Variants in PCSK5 observed in about 807,000 individuals in gnomAD.
PCSK5 encodes prohormone convertase 5.
PCSK5 carries 129 observed loss-of-function variants against 233.2 expected under a neutral mutation model. That is an observed-to-expected ratio of 0.55 (90% CI 0.48 to 0.64). The LOEUF (loss-of-function observed/expected upper bound fraction) is 0.64. PCSK5 is among the 30% of genes least tolerant of loss of function. The pLI, the probability that PCSK5 is intolerant of heterozygous loss-of-function variation, is 0.00. For missense variants in PCSK5, 2,076 were observed against 2,430.1 expected (o/e 0.85, Z 3.06); for synonymous variants, 825 against 879.2 (o/e 0.94, Z 1.09).
At chr9:76,249,613 C>T (rs1826736895) in intron 24 of PCSK5, among the ~76,000 whole-genome samples, 1 of 152,138 alleles carries the variant, frequency 6.6e-6, no homozygotes, top group South Asian at 2.1e-4. Context: ...AATACCAAGG[C>T]TCCTTAGAGA....
Position 76,003,574 on chromosome 9 carries a change from A to C in PCSK5, c.411+17329A>C, listed in dbSNP as rs572125034. Among the ~76,000 whole-genome samples the C allele has an allele frequency of 4.5e-4, 68 of 152,310 alleles. 1 individual carries two copies. In the South Asian group the frequency reaches 0.013, roughly 29 times the overall value. ...ATGGAATGTTTTCTCTGAACTCTGAAATTAAGTTCCAGACATTGTGAAAAT... is the reference window on the plus strand; with the variant it reads ...ATGGAATGTTTTCTCTGAACTCTGACATTAAGTTCCAGACATTGTGAAAAT... On this transcript the variant is annotated intron_variant, in intron 3 of 37. Coordinates refer to ENST00000674117, the MANE Select transcript of PCSK5 (RefSeq NM_001372043.1).
At position 76,231,282 on chromosome 9, in the gene PCSK5, G is replaced by A. The variant is rs1008479611; in HGVS notation, c.2730-2178G>A. On this transcript the variant is annotated intron_variant, in intron 21 of 37. Coordinates refer to ENST00000674117, the MANE Select transcript of PCSK5 (RefSeq NM_001372043.1). ...TCACTCACTATCACGAGAACAGCATGAGGATAACCGCCCCCATGATTCAGT... is the reference window on the plus strand; with the variant it reads ...TCACTCACTATCACGAGAACAGCATAAGGATAACCGCCCCCATGATTCAGT... Among the ~76,000 whole-genome samples the A allele has an allele frequency of 2.6e-5, 4 of 152,128 alleles. No individual in the cohort carries two copies. In the East Asian group the frequency reaches 7.7e-4, roughly 29 times the overall value.
intron 35 of PCSK5, among the ~76,000 whole-genome samples, chr9:76,344,561 G>C (rs1829926045): frequency 6.6e-6 from 1 of 152,132 alleles, no homozygotes; most frequent in Non-Finnish European, 1.5e-5. Flanking sequence ...TAACAGATGA[G>C]AAAATACACT....
chr9:76,341,207 AGAGT>A (rs1239654615), intron 35 of PCSK5, among the ~76,000 whole-genome samples: 1 of 151,020 alleles, frequency 6.6e-6, no homozygotes, highest in Non-Finnish European at 1.5e-5. Flanking sequence ...CCTGGGTGAC[AGAGT>A]GAGACCATGC....
intron 5 of PCSK5, among the ~76,000 whole-genome samples, chr9:76,029,581 T>A (rs1828571316): frequency 6.6e-6 from 1 of 152,194 alleles, no homozygotes; most frequent in Non-Finnish European, 1.5e-5. Context: ...GTAGGCTTTT[T>A]AAATTGGCTT....
intron 24 of PCSK5, among the ~76,000 whole-genome samples, chr9:76,255,673 T>A (rs547079502): frequency 1.4e-5 from 2 of 145,084 alleles, no homozygotes; most frequent in South Asian, 4.3e-4. Flanking sequence ...TACAAATAAA[T>A]TTTTTTTTTA....
intron 2 of PCSK5, among the ~76,000 whole-genome samples, chr9:75,964,519 C>A (rs909155344): frequency 3.3e-5 from 5 of 152,212 alleles, no homozygotes; most frequent in African/African-American, 1.2e-4. Context: ...AACATGCCAA[C>A]AACGCAGTGA....
chr9:76,219,388 G>A (rs980587156), intron 20 of PCSK5, among the ~76,000 whole-genome samples: 3 of 152,130 alleles, frequency 2.0e-5, no homozygotes, highest in Admixed American at 1.3e-4. Flanking sequence ...AAGCCATGAG[G>A]GAGGTTCATT....
intron 10 of PCSK5, among the ~76,000 whole-genome samples, chr9:76,153,867 T>G (rs1823772721): frequency 6.6e-6 from 1 of 152,206 alleles, no homozygotes; most frequent in Non-Finnish European, 1.5e-5. Context: ...TCACAGCCCC[T>G]GGAGAGAATC....
intron 24 of PCSK5, among the ~76,000 whole-genome samples, chr9:76,280,063 C>T (rs950803466): frequency 6.6e-6 from 1 of 152,130 alleles, no homozygotes; most frequent in African/African-American, 2.4e-5. Flanking sequence ...CTCTACCACT[C>T]CTCCAATAGC....
chr9:76,207,823 G>A (rs1484952035), intron 20 of PCSK5, among the ~76,000 whole-genome samples: 2 of 152,166 alleles, frequency 1.3e-5, no homozygotes, highest in East Asian at 3.9e-4. Context: ...CCCTGATGGA[G>A]CCTTGGGGCT....
chr9:76,105,629 A>G (rs1018636473), intron 8 of PCSK5, among the ~76,000 whole-genome samples: 2 of 152,232 alleles, frequency 1.3e-5, no homozygotes, highest in African/African-American at 4.8e-5. Flanking sequence ...TTACCCAAAC[A>G]TCCTGCAAGC....
chr9:76,090,781 C>A (rs1831253504), intron 7 of PCSK5, among the ~76,000 whole-genome samples: 2 of 152,092 alleles, frequency 1.3e-5, no homozygotes, highest in Admixed American at 6.5e-5. Context: ...CACATTATTT[C>A]TCTTATTACA....
chr9:76,266,869 CA>C lies in PCSK5; in HGVS notation c.3143-25363del, dbSNP rs1827348925. On this transcript the variant is annotated intron_variant, in intron 24 of 37. Coordinates refer to ENST00000674117, the MANE Select transcript of PCSK5 (RefSeq NM_001372043.1). The stretch of plus-strand genomic sequence containing the variant: ...TTAGAAAGACTGGTAGATGCTCTTT[CA>C]TTGAGACCCTTTGGACTAACAACAC... Among the ~76,000 whole-genome samples, 3 of 151,366 alleles carry C rather than the reference CA, an allele frequency of 2.0e-5. No homozygotes were observed. In the Admixed American group the frequency reaches 2.0e-4, roughly 10 times the overall value.
chr9:76,328,521 A>C (rs1420726119), intron 33 of PCSK5, among the ~76,000 whole-genome samples: 2 of 151,630 alleles, frequency 1.3e-5, no homozygotes, highest in Non-Finnish European at 2.9e-5. Context: ...CTCTCTCTCT[A>C]TCGCTCTCTT....
At chr9:76,120,282 A>C (rs1832582961) in intron 9 of PCSK5, among the ~76,000 whole-genome samples, 1 of 152,118 alleles carries the variant, frequency 6.6e-6, no homozygotes, top group South Asian at 2.1e-4. Context: ...AAATCTTTAA[A>C]CATTACAGAA....
intron 13 of PCSK5, among the ~76,000 whole-genome samples, chr9:76,170,833 G>A (rs559374766): frequency 3.3e-5 from 5 of 152,316 alleles, no homozygotes; most frequent in African/African-American, 1.2e-4. Context: ...GGGATAAAGG[G>A]CACGTTTGCC....
Position 76,067,427 on chromosome 9 carries a change from G to A in PCSK5, c.633-528G>A, listed in dbSNP as rs75225128. 7.9e-5 allele frequency among the ~76,000 whole-genome samples: 12 copies of A among 152,102 alleles called. No individual in the cohort carries two copies. In the East Asian group the frequency reaches 1.2e-3, roughly 15 times the overall value. On this transcript the variant is annotated intron_variant, in intron 5 of 37. Transcript: ENST00000674117. ...TTTCATTTTTGCATACAAAATCTTT[G>A]AAATCCACTGTTTATTTAAAGCACA...
chr9:76,154,553 C>T (rs1057017691), intron 10 of PCSK5, among the ~76,000 whole-genome samples: 1 of 152,162 alleles, frequency 6.6e-6, no homozygotes, highest in Non-Finnish European at 1.5e-5. Flanking sequence ...TCCAAGTCCC[C>T]ACCTCCCTTC....
Sources: gnomAD v4.1 joint callset for allele counts (sites outside exome capture counted in the v4.1 genomes callset) on GRCh38, gnomAD v4.1.1 for gene constraint, MANE v1.5 for transcripts, NCBI Gene and HGNC (gene_info 2026-07-23, HGNC 2026-07-21) for gene names.